The following EPS8 variants were observed in gnomAD, a reference collection of about 807,000 sequenced individuals.
The protein encoded by EPS8 is EGFR pathway substrate 8, signaling adaptor.
In EPS8, 42 loss-of-function variants were observed where a neutral mutation model predicts 103.8. That is an observed-to-expected ratio of 0.40 (90% CI 0.32 to 0.52). The LOEUF is 0.52. EPS8 is among the 20% of genes least tolerant of loss of function. The pLI is 0.40. For synonymous variants in EPS8, 344 were observed against 344.6 expected (o/e 1.00, Z 0.02); for missense variants, 969 against 1,005.1 (o/e 0.96, Z 0.49).
At position 15,762,357 on chromosome 12, in the gene EPS8, G is replaced by A. The variant is rs1483627005; in HGVS notation, c.-22+26804C>T. Among the ~76,000 whole-genome samples the A allele has an allele frequency of 2.0e-5, 3 of 152,154 alleles. No homozygotes were observed. The highest frequency in any genetic ancestry group is 2.1e-4 in the South Asian group (1 of 4,828). On this transcript the variant is annotated intron_variant, in intron 1 of 20. Transcript: ENST00000281172. This position sits in a 1 kb window ranked among gnomAD's most constrained non-coding sequence, Gnocchi z 4.8. ...GGTGGCGATGTAAATTACTGCAACC[G>A]CTATGCAGAACAGTTTGGCGGTGCC... is the stretch of plus-strand genomic sequence containing the variant.
intron 17 of EPS8, among the ~76,000 whole-genome samples, chr12:15,637,094 C>T (rs1306516960): frequency 4.6e-5 from 7 of 152,234 alleles, no homozygotes; most frequent in Admixed American, 3.3e-4. Context: ...AATCTCGGCT[C>T]ACCGCATCCC....
At chr12:15,654,074 T>A in intron 13 of EPS8, 71 bp downstream of exon 13, 1 of 1,431,806 alleles carries the variant, frequency 7.0e-7, no homozygotes, top group Non-Finnish European at 9.7e-7. Flanking sequence ...GAAGGTTAAA[T>A]AAATGTCTCA....
chr12:15,674,971 C>A lies in EPS8; in HGVS notation c.137-4048G>T, dbSNP rs999488697. 2.6e-5 allele frequency among the ~76,000 whole-genome samples: 4 copies of A among 152,058 alleles called. No individual in the cohort carries two copies. The East Asian group carries it at 7.7e-4, about 29-fold the overall frequency. ...TTGAATGTGTAAAAAATTGCTTGGGCTTTAATTATAAAAATTAAACAGAGA... is the reference window on the plus strand; with the variant it reads ...TTGAATGTGTAAAAAATTGCTTGGGATTTAATTATAAAAATTAAACAGAGA... On this transcript the variant is annotated intron_variant, in intron 3 of 20. Coordinates refer to ENST00000281172, the MANE Select transcript of EPS8 (RefSeq NM_004447.6).
chr12:15,631,577 G>A lies in EPS8; in HGVS notation c.1909C>T (p.Leu637Phe). Reference sequence around the variant, plus strand: ...ACAGGTGCTGGAGTGGAAGGGGGAAGGGGAACAGGAACAGGAGCTGGTGTT... The same window carrying A: ...ACAGGTGCTGGAGTGGAAGGGGGAAAGGGAACAGGAACAGGAGCTGGTGTT... ...PPTPAPVPVP[L>F]PPSTPAPVPV... is the part of the protein sequence containing the mutation. The change falls in exon 18 of 21, where the codon CTT becomes TTT. Residue 637 changes from leucine (L) to phenylalanine (F), a missense_variant. Coordinates refer to ENST00000281172, the MANE Select transcript of EPS8 (RefSeq NM_004447.6). 6.2e-7 allele frequency: 1 copy of A among 1,613,980 alleles called. No individual in the cohort carries two copies. Among genetic ancestry groups the A allele is most frequent in the South Asian group, 1.1e-5 (1 of 91,078 alleles).
At chr12:15,744,420 C>G (rs760621811) in intron 1 of EPS8, among the ~76,000 whole-genome samples, 5 of 152,160 alleles carry the variant, frequency 3.3e-5, no homozygotes, top group Non-Finnish European at 7.4e-5. Flanking sequence ...CAAGGATGAA[C>G]TATAGTGAGT....
intron 18 of EPS8, 138 bp downstream of exon 18, chr12:15,631,304 G>A (rs1012666594): frequency 1.6e-6 from 2 of 1,227,216 alleles, no homozygotes; most frequent in African/African-American, 1.5e-5. Context: ...GAGAAACCAG[G>A]TGAAAATCTT....
At chr12:15,786,432 T>C (rs138740418) in intron 1 of EPS8, among the ~76,000 whole-genome samples, 1 of 152,116 alleles carries the variant, frequency 6.6e-6, no homozygotes, top group African/African-American at 2.4e-5. Flanking sequence ...TACGAGGAAA[T>C]ACATTTAGTG....
chr12:15,769,517 T>C lies in EPS8; in HGVS notation c.-22+19644A>G, dbSNP rs1282390728. Among the ~76,000 whole-genome samples the C allele has an allele frequency of 1.3e-5, 2 of 152,254 alleles. No individual in the cohort carries two copies. Among genetic ancestry groups the C allele is most frequent in the Non-Finnish European group, 2.9e-5 (2 of 68,044 alleles). ...AAAATTACACAAATATAAGACGCTCTTGTTGGCAAATATTAAGAAAAAACA... is the reference window on the plus strand; with the variant it reads ...AAAATTACACAAATATAAGACGCTCCTGTTGGCAAATATTAAGAAAAAACA... On this transcript the variant is annotated intron_variant, in intron 1 of 20. Coordinates refer to ENST00000281172, the MANE Select transcript of EPS8 (RefSeq NM_004447.6). The surrounding 1 kb of genome is among the most constrained non-coding windows in gnomAD (Gnocchi z 4.6).
chr12:15,739,997 G>C (rs1262695896), intron 1 of EPS8, among the ~76,000 whole-genome samples: 2 of 151,916 alleles, frequency 1.3e-5, no homozygotes, highest in African/African-American at 4.8e-5. Context: ...TGACACACAG[G>C]GACTCAGGAA....
rs1020189724 is a variant in EPS8, at chr12:15,701,287, T to C, written c.-21-18315A>G. 6.6e-6 allele frequency among the ~76,000 whole-genome samples: 1 copy of C among 152,194 alleles called. No homozygotes were observed. Among genetic ancestry groups the C allele is most frequent in the African/African-American group, 2.4e-5 (1 of 41,452 alleles). On this transcript the variant is annotated intron_variant, in intron 1 of 20. Coordinates refer to ENST00000281172, the MANE Select transcript of EPS8 (RefSeq NM_004447.6). This position sits in a 1 kb window ranked among gnomAD's most constrained non-coding sequence, Gnocchi z 5.1. ...GATAAGCATAACTCTAAAAGGCAGG[T>C]ACTACTTTTATCTCTAGTTTACAGA...
At chr12:15,630,216 A>ACACT (rs1945021174) in intron 18 of EPS8, among the ~76,000 whole-genome samples, 1 of 151,340 alleles carries the variant, frequency 6.6e-6, no homozygotes, top group Non-Finnish European at 1.5e-5. Flanking sequence ...ACACACACAC[A>ACACT]CACACACACA....
intron 1 of EPS8, among the ~76,000 whole-genome samples, chr12:15,709,089 C>T (rs1396468191): frequency 2.0e-5 from 3 of 152,170 alleles, no homozygotes; most frequent in East Asian, 1.9e-4. Flanking sequence ...ATCAATAACA[C>T]TGTCATATCA....
At chr12:15,636,237 G>A (rs542834153) in intron 17 of EPS8, among the ~76,000 whole-genome samples, 2 of 152,146 alleles carry the variant, frequency 1.3e-5, no homozygotes, top group East Asian at 3.9e-4. Flanking sequence ...ATACTACAAA[G>A]CCTTGGAATG....
intron 17 of EPS8, among the ~76,000 whole-genome samples, chr12:15,633,321 T>A (rs1335604407): frequency 6.6e-6 from 1 of 152,176 alleles, no homozygotes; most frequent in African/African-American, 2.4e-5. Context: ...TTAATGTATA[T>A]GCAATGTTCC....
At position 15,621,421 on chromosome 12, in the gene EPS8, C is replaced by T; in HGVS notation, c.2365G>A (p.Gly789Ser). ...ATAATTTCTTGTAACTCGGAGCTGC[C>T]ACTGCTATCCTGAAAGATAAACAGT... ...VQKAALEDSS[G>S]SSELQEIMRR... Residue 789 changes from glycine (G) to serine (S), a missense_variant, in exon 21 of 21, where the codon GGC (glycine) becomes AGC (serine). Transcript: ENST00000281172. The T allele has an allele frequency of 3.8e-6, 6 of 1,586,440 alleles. No individual in the cohort carries two copies. Among genetic ancestry groups the T allele is most frequent in the Non-Finnish European group, 5.2e-6 (6 of 1,160,620 alleles).
At position 15,759,229 on chromosome 12, in the gene EPS8, T is replaced by A. The variant is rs923269714; in HGVS notation, c.-22+29932A>T. ...CTAAAAATGCCTCAAAAAACATGTT[T>A]TGATTAACTGACTAATTTTAAAAGG... On this transcript the variant is annotated intron_variant, in intron 1 of 20. Transcript: ENST00000281172. This position sits in a 1 kb window ranked among gnomAD's most constrained non-coding sequence, Gnocchi z 4.9. Among the ~76,000 whole-genome samples, 1 of 152,124 alleles carries A rather than the reference T, an allele frequency of 6.6e-6. No homozygotes were observed. The highest frequency in any genetic ancestry group is 1.5e-5 in the Non-Finnish European group (1 of 67,972).
At chr12:15,723,739 T>C (rs1200690508) in intron 1 of EPS8, among the ~76,000 whole-genome samples, 5 of 152,192 alleles carry the variant, frequency 3.3e-5, no homozygotes, top group Non-Finnish European at 7.4e-5. Flanking sequence ...TAATCCTTAC[T>C]GTATACCTCC....
rs575527951 is a variant in EPS8 at position 15,636,923 on chromosome 12, T to G, written c.1821+3780A>C. ...CAGATCAACTTTTATCACAGTATAA[T>G]GCAAAGTAAAGCTATTCTGAGAAAA... On this transcript the variant is annotated intron_variant, in intron 17 of 20. Coordinates refer to ENST00000281172, the MANE Select transcript of EPS8 (RefSeq NM_004447.6). Among the ~76,000 whole-genome samples the G allele has an allele frequency of 1.1e-3, 166 of 152,362 alleles. 1 individual carries two copies. The highest frequency in any genetic ancestry group is 4.0e-3 in the African/African-American group (165 of 41,592).
In EPS8 at chr12:15,682,992, T is replaced by G. The variant is rs371688910; in HGVS notation, c.-21-20A>C. On this transcript the variant is annotated intron_variant, in intron 1 of 20. Coordinates refer to ENST00000281172, the MANE Select transcript of EPS8 (RefSeq NM_004447.6). ...TGTGTTCTAAAAAAAGAAAGACACA[T>G]AGATTAAAGGCAATAAAAAGGTCAA... is the stretch of plus-strand genomic sequence containing the variant. The G allele has an allele frequency of 7.3e-7, 1 of 1,373,908 alleles. No individual in the cohort carries two copies. Among genetic ancestry groups the G allele is most frequent in the Non-Finnish European group, 1.0e-6 (1 of 990,014 alleles). The allele number at this position is 1,373,908 out of a possible 1,614,324, so 85.1% of individuals were successfully genotyped here.
Sources: gnomAD v4.1 joint callset for allele counts (sites outside exome capture counted in the v4.1 genomes callset) on GRCh38, gnomAD v4.1.1 for gene constraint, Gnocchi (gnomAD v3.1) non-coding constraint, MANE v1.5 for transcripts, NCBI Gene and HGNC (gene_info 2026-07-23, HGNC 2026-07-21) for gene names.